The following NRBP1 variants were observed in gnomAD, a reference collection of about 807,000 sequenced individuals.
The protein encoded by NRBP1 is nuclear receptor-binding protein.
NRBP1 carries 10 observed loss-of-function variants against 76.0 expected under a neutral mutation model. The ratio of observed to expected loss-of-function variants is 0.13; its 90% confidence interval spans 0.08 to 0.22. NRBP1 has a LOEUF of 0.22. Ranked by LOEUF, NRBP1 falls within the 10% of genes least tolerant of loss-of-function variation. NRBP1 has a pLI of 1.00. For synonymous variants in NRBP1, 235 were observed against 240.2 expected, an observed-to-expected ratio of 0.98 and a Z score of 0.20; for missense variants, 344 against 646.0, an observed-to-expected ratio of 0.53 and a Z score of 5.07.
rs1663961631 is a variant in NRBP1 at position 27,428,648 on chromosome 2, C to T, written c.-104C>T. 1 of 397,996 alleles carries T rather than the reference C, an allele frequency of 2.5e-6. No homozygotes were observed. The highest frequency in any genetic ancestry group is 2.1e-5 in the African/African-American group (1 of 48,616). 24.7% of individuals were successfully genotyped at this position (397,996 alleles called of 1,614,324 possible). ...CGCAGTTCGGTTGCGCTGCGGAGCG[C>T]AGCTGTGAGGGAGTCGCTGTGATCC... On this transcript the variant is annotated 5_prime_UTR_variant, in exon 1 of 18. Coordinates refer to ENST00000379852, the MANE Select transcript of NRBP1 (RefSeq NM_013392.4).
chr2:27,437,233 A>C, intron 9 of NRBP1, 29 bp from the exon 10 acceptor site: 1 of 1,572,964 alleles, frequency 6.4e-7, no homozygotes, highest in East Asian at 2.2e-5. Context: ...TTAGGTGTCT[A>C]CTTTTTTTTT....
At position 27,428,643 on chromosome 2, in the gene NRBP1, G is replaced by A. The variant is rs989299364; in HGVS notation, c.-109G>A. 7.5e-6 allele frequency: 3 copies of A among 397,978 alleles called. No homozygotes were observed. The highest frequency in any genetic ancestry group is 4.1e-5 in the African/African-American group (2 of 48,612). The allele number at this position is 397,978 out of a possible 1,614,324, so 24.7% of individuals were successfully genotyped here. On this transcript the variant is annotated 5_prime_UTR_variant, in exon 1 of 18. Coordinates refer to ENST00000379852, the MANE Select transcript of NRBP1 (RefSeq NM_013392.4). ...GGGCCCGCAGTTCGGTTGCGCTGCG[G>A]AGCGCAGCTGTGAGGGAGTCGCTGT...
chr2:27,438,556 C>A (rs1168621640), intron 10 of NRBP1, among the ~76,000 whole-genome samples: 1 of 152,172 alleles, frequency 6.6e-6, no homozygotes, highest in Non-Finnish European at 1.5e-5. Flanking sequence ...GTTTCTACTT[C>A]AACATTGAGG....
At chr2:27,439,484 CA>C (rs70953858) in intron 10 of NRBP1, among the ~76,000 whole-genome samples, 5,668 of 66,702 alleles carry the variant, frequency 0.085, 80 homozygotes, top group Middle Eastern at 0.14. Context: ...GACTCCGTCT[CA>C]AAAAAAAAAA....
At chr2:27,436,666 G>T in intron 7 of NRBP1, 87 bp from the exon 8 acceptor site, 1 of 1,075,194 alleles carries the variant, frequency 9.3e-7, no homozygotes, top group African/African-American at 1.5e-5. Context: ...GACTTCAGGA[G>T]AGAATTTGGC....
chr2:27,439,945 C>T, intron 11 of NRBP1, 47 bp downstream of exon 11: 5 of 1,503,274 alleles, frequency 3.3e-6, no homozygotes, highest in Non-Finnish European at 4.5e-6. Flanking sequence ...ATCTGGAGCC[C>T]TGTAACTATC....
At chr2:27,440,373 C>G in intron 11 of NRBP1, 30 bp from the exon 12 acceptor site, 1 of 1,431,278 alleles carries the variant, frequency 7.0e-7, no homozygotes, top group South Asian at 1.1e-5. Context: ...ACTATCCCTT[C>G]ATAATATCCC....
chr2:27,438,862 A>C (rs972573830), intron 10 of NRBP1, among the ~76,000 whole-genome samples: 11 of 152,004 alleles, frequency 7.2e-5, no homozygotes, highest in Non-Finnish European at 7.4e-5. Flanking sequence ...TGGAAGCTGA[A>C]GTGGGAGGAT....
intron 1 of NRBP1, among the ~76,000 whole-genome samples, chr2:27,431,072 G>A (rs1161932355): frequency 2.6e-5 from 4 of 152,094 alleles, no homozygotes; most frequent in South Asian, 2.1e-4. Context: ...AGGCTGAGGC[G>A]GGCGGATCAT....
chr2:27,428,830 G>A (rs1428718096), intron 1 of NRBP1, 99 bp downstream of exon 1: 2 of 397,806 alleles, frequency 5.0e-6, no homozygotes, highest in Admixed American at 4.4e-5. Flanking sequence ...CGCCAGTCGG[G>A]TGCTGAAGGC....
intron 10 of NRBP1, among the ~76,000 whole-genome samples, chr2:27,439,472 G>A (rs556077342): frequency 4.3e-5 from 6 of 139,944 alleles, no homozygotes; most frequent in East Asian, 2.0e-4. Context: ...GCGACAGAGC[G>A]AGACTCCGTC....
At chr2:27,437,600 G>A (rs1002068729) in intron 10 of NRBP1, among the ~76,000 whole-genome samples, 5 of 152,218 alleles carry the variant, frequency 3.3e-5, no homozygotes, top group Non-Finnish European at 7.3e-5. Flanking sequence ...AGCCGGGCAT[G>A]GTGGCTCACG....
Position 27,441,177 on chromosome 2 carries a change from C to G in NRBP1, c.1380C>G (p.His460Gln), listed in dbSNP as rs1664536709. Residue 460 changes from histidine (H) to glutamine (Q), a missense_variant, in exon 15 of 18, where the codon CAC becomes CAG. This residue lies in a region of NRBP1 where 218 missense variants were observed against 309.8 expected (regional missense o/e 0.70). Coordinates refer to ENST00000379852, the MANE Select transcript of NRBP1 (RefSeq NM_013392.4). ...NIESVEEGVK[H>Q]HLTLLLKLED... ...AGTCGGTGGAGGAGGGAGTCAAACA[C>G]CACGTAAGGCTCAGGGCTAGGGTTG... 1 of 1,614,000 alleles carries G rather than the reference C, an allele frequency of 6.2e-7. No homozygotes were observed. The highest frequency in any genetic ancestry group is 8.5e-7 in the Non-Finnish European group (1 of 1,179,968).
rs1211878270 is a variant in NRBP1, at chr2:27,428,737, C to T, written c.-21+6C>T. 7.5e-6 allele frequency: 3 copies of T among 397,556 alleles called. No individual in the cohort carries two copies. In the East Asian group the frequency reaches 1.1e-4, roughly 14 times the overall value. 24.6% of individuals were successfully genotyped at this position (397,556 alleles called of 1,614,324 possible). On this transcript the variant is annotated splice_donor_region_variant and intron_variant, in intron 1 of 17. Coordinates refer to ENST00000379852, the MANE Select transcript of NRBP1 (RefSeq NM_013392.4). ...GCGGGGCGCGGAGTCGGGAGGTGAG[C>T]GCCCAGGGAAAAGAGGGCCCGGGAG...
chr2:27,433,916 G>C, intron 3 of NRBP1, 73 bp from the exon 4 acceptor site: 1 of 1,593,770 alleles, frequency 6.3e-7, no homozygotes, highest in Non-Finnish European at 8.6e-7. Flanking sequence ...TCTGGGGAGG[G>C]ATAGGGAATG....
At chr2:27,440,567 G>A (rs1450499146) in intron 12 of NRBP1, 59 bp downstream of exon 12, 2 of 1,601,224 alleles carry the variant, frequency 1.2e-6, no homozygotes, top group South Asian at 2.2e-5. Flanking sequence ...TTGAGGCTCT[G>A]TAAACTGTCC....
rs542424321 is a variant in NRBP1, at chr2:27,428,959, C to T, written c.-21+228C>T. On this transcript the variant is annotated intron_variant, in intron 1 of 17. Coordinates refer to ENST00000379852, the MANE Select transcript of NRBP1 (RefSeq NM_013392.4). Reference sequence around the variant, plus strand: ...TGGCGTCTCTGGCTTGGCGGCGGCGCCCCGGGATTCTGCGGGCGCGGGTCG... The same window carrying T: ...TGGCGTCTCTGGCTTGGCGGCGGCGTCCCGGGATTCTGCGGGCGCGGGTCG... Among the ~76,000 whole-genome samples the T allele has an allele frequency of 1.6e-3, 237 of 151,464 alleles. 1 individual carries two copies. The highest frequency in any genetic ancestry group is 5.6e-3 in the African/African-American group (231 of 41,332).
At chr2:27,441,527 A>C in intron 16 of NRBP1, 40 bp from the exon 17 acceptor site, 1 of 1,609,868 alleles carries the variant, frequency 6.2e-7, no homozygotes, top group Non-Finnish European at 8.5e-7. Flanking sequence ...CAGGTCCCTC[A>C]GTCCCGTACT....
intron 7 of NRBP1, 32 bp downstream of exon 7, chr2:27,435,259 G>A (rs1418369433): frequency 6.3e-7 from 1 of 1,586,676 alleles, no homozygotes; most frequent in Non-Finnish European, 8.6e-7. Flanking sequence ...GGGCAGGGGA[G>A]CCTCGGGAAT....
Sources: allele counts gnomAD v4.1 joint callset (sites outside exome capture counted in the v4.1 genomes callset), GRCh38; gene constraint gnomAD v4.1.1; regional missense constraint gnomAD v4.1.1; transcripts MANE v1.5; gene names NCBI Gene and HGNC (gene_info 2026-07-23, HGNC 2026-07-21).